The following PKD1L3 variants were observed in gnomAD, a reference collection of about 807,000 sequenced individuals.
PKD1L3 encodes the protein polycystin-1-like protein 3.
Under a neutral mutation model 184.1 loss-of-function variants are expected in PKD1L3, and 239 were observed. The ratio of observed to expected loss-of-function variants is 1.30; its 90% CI spans 1.17 to 1.45. The LOEUF is 1.45. Among genes scored for constraint, PKD1L3 ranks in the 40% most tolerant of loss-of-function variants. The pLI, the probability that PKD1L3 is intolerant of heterozygous loss-of-function variation, is 0.00. For synonymous variants in PKD1L3, 996 were observed against 778.8 expected (o/e 1.28, Z -4.64); for missense variants, 2,660 against 2,067.2 (o/e 1.29, Z -5.56).
At chr16:71,965,104 C>T (rs531664792) in intron 15 of PKD1L3, among the ~76,000 whole-genome samples, 1 of 151,864 alleles carries the variant, frequency 6.6e-6, no homozygotes, top group Non-Finnish European at 1.5e-5. Flanking sequence ...CACCTTGGCC[C>T]CCCAAAGTGC....
intron 23 of PKD1L3, 141 bp from the exon 24 acceptor site, chr16:71,943,165 A>G: frequency 1.6e-6 from 1 of 620,730 alleles, no homozygotes; most frequent in East Asian, 2.7e-5. Context: ...GTTCAATCTA[A>G]TAATTATAAA....
chr16:71,980,247 G>A (rs1448483476), intron 7 of PKD1L3, 113 bp from the exon 8 acceptor site: 2 of 1,326,256 alleles, frequency 1.5e-6, no homozygotes, highest in African/African-American at 1.5e-5. Context: ...GTAATGAAGG[G>A]TAGTATTCCT....
chr16:71,937,454 C>A (rs1168838685), intron 24 of PKD1L3, 35 bp from the exon 25 acceptor site: 2 of 1,540,750 alleles, frequency 1.3e-6, no homozygotes, highest in Admixed American at 2.1e-5. Flanking sequence ...AGTCAAGAGT[C>A]TAAAACTTTT....
Position 71,982,153 on chromosome 16 carries a change from T to A in PKD1L3, c.1049A>T (p.Lys350Ile), listed in dbSNP as rs775232184. 6.4e-7 allele frequency: 1 copy of A among 1,551,648 alleles called. No individual in the cohort carries two copies. Among genetic ancestry groups the A allele is most frequent in the African/African-American group, 1.4e-5 (1 of 72,986 alleles). The change falls in exon 7 of 30, where the codon AAA becomes ATA. Residue 350 changes from lysine to isoleucine, a missense_variant. Coordinates refer to ENST00000620267, the MANE Select transcript of PKD1L3 (RefSeq NM_181536.2). Reference protein sequence around the residue: ...PFQNNNSLGFKVPPTVCPFHS... With the variant: ...PFQNNNSLGFIVPPTVCPFHS... ...AAAGGGGCAGACAGTTGGAGGAACTTTGAAGCCCAGACTGTTGTTGTTCTG... is the reference window on the plus strand; with the variant it reads ...AAAGGGGCAGACAGTTGGAGGAACTATGAAGCCCAGACTGTTGTTGTTCTG...
chr16:71,942,416 T>C (rs1294046272), intron 24 of PKD1L3, 144 bp downstream of exon 24: 3 of 626,724 alleles, frequency 4.8e-6, no homozygotes, highest in African/African-American at 3.8e-5. Context: ...AAAAACACTT[T>C]TGGAGATGTA....
chr16:71,953,102 A>G lies in PKD1L3; in HGVS notation c.2810-9T>C. ...CACAGCAAATGGACGCACTGAAAGA[A>G]AAGCATGACATCAACTTTCATCTTC... On this transcript the variant is annotated splice_polypyrimidine_tract_variant and intron_variant, in intron 17 of 29. Transcript: ENST00000620267. The G allele has an allele frequency of 1.4e-6, 2 of 1,450,058 alleles. No homozygotes were observed. The highest frequency in any genetic ancestry group is 3.2e-5 in the Admixed American group (1 of 31,262). 89.8% of individuals were successfully genotyped at this position (1,450,058 alleles called of 1,614,324 possible). A position where few individuals can be genotyped will look rare whatever the true frequency, so the allele number is the denominator to read the frequency against.
At chr16:71,980,923 C>G (rs888203182) in intron 7 of PKD1L3, among the ~76,000 whole-genome samples, 2 of 152,194 alleles carry the variant, frequency 1.3e-5, no homozygotes, top group Admixed American at 6.5e-5. Context: ...AACGAATCTA[C>G]TTTATGTGTC....
intron 6 of PKD1L3, among the ~76,000 whole-genome samples, chr16:71,982,742 G>A (rs2040209810): frequency 6.6e-6 from 1 of 151,840 alleles, no homozygotes; most frequent in Non-Finnish European, 1.5e-5. Context: ...GACACAGGTG[G>A]GTACCACCAC....
At chr16:71,955,418 CAG>C (rs1463906490) in intron 16 of PKD1L3, among the ~76,000 whole-genome samples, 2 of 151,902 alleles carry the variant, frequency 1.3e-5, no homozygotes, top group Non-Finnish European at 2.9e-5. Context: ...GCCTGGGCTA[CAG>C]AGAGACTCCA....
chr16:71,964,810 ATG>A (rs942721763), intron 15 of PKD1L3, among the ~76,000 whole-genome samples: 7 of 150,174 alleles, frequency 4.7e-5, no homozygotes, highest in South Asian at 4.2e-4. Flanking sequence ...ATGGAATTTT[ATG>A]TGTGTGGAAT....
chr16:71,999,050 T>C (rs1041969533), intron 1 of PKD1L3, among the ~76,000 whole-genome samples: 18 of 151,854 alleles, frequency 1.2e-4, no homozygotes, highest in East Asian at 1.9e-4. Flanking sequence ...GGCGGGCGGA[T>C]CACGAGGTCA....
intron 6 of PKD1L3, among the ~76,000 whole-genome samples, chr16:71,983,258 C>A (rs1270621923): frequency 6.6e-6 from 1 of 152,106 alleles, no homozygotes; most frequent in African/African-American, 2.4e-5. Flanking sequence ...ACCATCCTCC[C>A]ATCTCAGCCT....
Position 71,977,393 on chromosome 16 carries a change from G to A in PKD1L3, c.1602C>T (p.Ile534=). The A allele has an allele frequency of 6.4e-7, 1 of 1,551,552 alleles. No homozygotes were observed. Among genetic ancestry groups the A allele is most frequent in the Non-Finnish European group, 8.7e-7 (1 of 1,146,866 alleles). Residue 534 remains isoleucine (I), a synonymous_variant, in exon 11 of 30, where the codon ATC becomes ATT. Transcript: ENST00000620267. The part of the protein sequence containing the change: ...SLNMSTHQLT[I]TVNVTSLEKS... ...TCTCCAAGGAAGTGACGTTCACTGT[G>A]ATTGTAAGCTGATGTGTGCTCATGT...
chr16:71,980,581 C>T (rs1181921068), intron 7 of PKD1L3, among the ~76,000 whole-genome samples: 1 of 152,118 alleles, frequency 6.6e-6, no homozygotes, highest in African/African-American at 2.4e-5. Flanking sequence ...TACCTGTAAT[C>T]CCAACACTTT....
chr16:71,936,519 C>CTTTT (rs397785025), intron 25 of PKD1L3, among the ~76,000 whole-genome samples: 12 of 123,536 alleles, frequency 9.7e-5, no homozygotes, highest in South Asian at 2.5e-4. Context: ...TTTTTTTTTT[C>CTTTT]TTTTTTTTTT....
At chr16:71,971,154 G>A (rs2039695007) in intron 12 of PKD1L3, among the ~76,000 whole-genome samples, 1 of 152,178 alleles carries the variant, frequency 6.6e-6, no homozygotes. Flanking sequence ...AGGGAAGGAA[G>A]GAGAGAGACT....
At chr16:71,957,274 A>T (rs2039083672) in intron 16 of PKD1L3, among the ~76,000 whole-genome samples, 1 of 152,188 alleles carries the variant, frequency 6.6e-6, no homozygotes, top group African/African-American at 2.4e-5. Flanking sequence ...ATTAAAAAAA[A>T]GGCAGTGATA....
intron 21 of PKD1L3, 42 bp downstream of exon 21, chr16:71,949,741 T>A (rs1227465228): frequency 6.6e-7 from 1 of 1,514,802 alleles, no homozygotes; most frequent in Non-Finnish European, 9.0e-7. Context: ...TCAGTTCCCC[T>A]AACTTCTGCA....
chr16:71,981,535 C>CTTTT (rs543488508), intron 7 of PKD1L3, among the ~76,000 whole-genome samples: 7 of 105,090 alleles, frequency 6.7e-5, no homozygotes, highest in Non-Finnish European at 9.4e-5. Context: ...TTCCTAAATT[C>CTTTT]TTTTTTTTTT....
Sources: allele counts gnomAD v4.1 joint callset (sites outside exome capture counted in the v4.1 genomes callset), GRCh38; gene constraint gnomAD v4.1.1; transcripts MANE v1.5; gene names NCBI Gene and HGNC (gene_info 2026-07-23, HGNC 2026-07-21).